Variants in MARCHF10 observed in about 807,000 individuals in gnomAD.
MARCHF10 encodes the protein probable E3 ubiquitin-protein ligase MARCHF10.
MARCHF10 carries 64 observed loss-of-function variants against 76.2 expected under a neutral mutation model. The observed-to-expected ratio is 0.84, with a 90% CI of 0.69 to 1.03. MARCHF10 has a LOEUF of 1.03. MARCHF10 is among the 50% of genes least tolerant of loss of function. The pLI, the probability that MARCHF10 is intolerant of heterozygous loss-of-function variation, is 0.00. For synonymous variants in MARCHF10, 340 were observed against 357.5 expected, an observed-to-expected ratio of 0.95 and a Z score of 0.55; for missense variants, 875 against 958.0, an observed-to-expected ratio of 0.91 and a Z score of 1.14.
intron 8 of MARCHF10, among the ~76,000 whole-genome samples, chr17:62,721,942 A>T (rs538697868): frequency 4.0e-5 from 6 of 151,854 alleles, no homozygotes; most frequent in Non-Finnish European, 8.8e-5. Flanking sequence ...GAAGCTTCTT[A>T]CTTTTGTTCC....
chr17:62,773,921 G>A (rs1016440740), intron 3 of MARCHF10, among the ~76,000 whole-genome samples: 2 of 152,200 alleles, frequency 1.3e-5, no homozygotes, highest in African/African-American at 4.8e-5. Context: ...CTGGATATGA[G>A]GCAGAAGATG....
At chr17:62,755,965 A>G (rs751342283) in intron 4 of MARCHF10, among the ~76,000 whole-genome samples, 7 of 151,102 alleles carry the variant, frequency 4.6e-5, no homozygotes, top group African/African-American at 7.3e-5. Context: ...AGTAAAAAAA[A>G]TGGCTAGGTG....
At chr17:62,779,113 G>A (rs1439304530) in intron 3 of MARCHF10, among the ~76,000 whole-genome samples, 3 of 152,180 alleles carry the variant, frequency 2.0e-5, no homozygotes, top group African/African-American at 4.8e-5. Flanking sequence ...CTTACCCAGT[G>A]CACCTCGAGG....
chr17:62,718,171 C>T (rs2090314968), intron 8 of MARCHF10, among the ~76,000 whole-genome samples: 1 of 152,172 alleles, frequency 6.6e-6, no homozygotes, highest in South Asian at 2.1e-4. Context: ...TAACATCTCT[C>T]ACCTTCTACA....
chr17:62,724,198 T>TA (rs2147716375), intron 7 of MARCHF10, among the ~76,000 whole-genome samples: 1 of 151,872 alleles, frequency 6.6e-6, no homozygotes, highest in South Asian at 2.1e-4. Context: ...TTTTTTTTTT[T>TA]TTTTGCTTAA....
intron 6 of MARCHF10, among the ~76,000 whole-genome samples, chr17:62,728,655 TAAG>T (rs764943884): frequency 5.9e-5 from 9 of 152,086 alleles, no homozygotes; most frequent in African/African-American, 9.6e-5. Flanking sequence ...CAGCAAGAGA[TAAG>T]GAGGATTTCT....
chr17:62,785,023 C>G (rs540379915), intron 3 of MARCHF10, among the ~76,000 whole-genome samples: 1 of 152,050 alleles, frequency 6.6e-6, no homozygotes, highest in African/African-American at 2.4e-5. Flanking sequence ...TGGAAAAACT[C>G]CTTTAAAGTT....
At chr17:62,708,644 T>C (rs567511849) in intron 9 of MARCHF10, among the ~76,000 whole-genome samples, 1 of 152,304 alleles carries the variant, frequency 6.6e-6, no homozygotes, top group East Asian at 1.9e-4. Flanking sequence ...CTGTGAGATA[T>C]AAAAGAGATA....
At chr17:62,757,918 A>G (rs2147939007) in intron 4 of MARCHF10, among the ~76,000 whole-genome samples, 1 of 152,306 alleles carries the variant, frequency 6.6e-6, no homozygotes, top group Non-Finnish European at 1.5e-5. Context: ...CAGTGCTATA[A>G]GTTCCATACA....
intron 10 of MARCHF10, 110 bp from the exon 11 acceptor site, chr17:62,701,868 A>G (rs926085517): frequency 1.4e-6 from 2 of 1,415,660 alleles, no homozygotes; most frequent in South Asian, 1.2e-5. Flanking sequence ...CCTGAGGCCC[A>G]GCCACCCACA....
chr17:62,788,726 T>C (rs2092788066), intron 2 of MARCHF10, 127 bp from the exon 3 acceptor site: 1 of 1,282,140 alleles, frequency 7.8e-7, no homozygotes, highest in African/African-American at 1.5e-5. Flanking sequence ...ATCAAATACC[T>C]CTCACCAAGT....
chr17:62,705,401 C>A (rs1011206695), intron 10 of MARCHF10, 138 bp downstream of exon 10: 3 of 1,555,576 alleles, frequency 1.9e-6, no homozygotes, highest in Non-Finnish European at 2.6e-6. Context: ...GGCTGACTTT[C>A]CCAAGCTTTG....
chr17:62,800,963 T>C (rs1339368748), intron 2 of MARCHF10, among the ~76,000 whole-genome samples: 2 of 152,200 alleles, frequency 1.3e-5, no homozygotes, highest in Non-Finnish European at 2.9e-5. Flanking sequence ...ATTTTACAAA[T>C]GGTAGGGCGA....
chr17:62,754,837 C>T lies in MARCHF10; in HGVS notation c.382+4998G>A, dbSNP rs183116118. ...TCCTGGACACCAGTTGGACTTGCCG[C>T]GAAAACCATTAATCTGGCCTTTCAG... On this transcript the variant is annotated intron_variant, in intron 4 of 10. Coordinates refer to ENST00000311269, the MANE Select transcript of MARCHF10 (RefSeq NM_152598.4). 2.8e-3 allele frequency among the ~76,000 whole-genome samples: 426 copies of T among 152,180 alleles called. 2 individuals carry two copies. Among genetic ancestry groups the T allele is most frequent in the Non-Finnish European group, 2.8e-3 (192 of 68,022 alleles).
At position 62,701,696 on chromosome 17, in the gene MARCHF10, T is replaced by C; in HGVS notation, c.*7A>G. On this transcript the variant is annotated 3_prime_UTR_variant, in exon 11 of 11. Transcript: ENST00000311269. Reference sequence around the variant, plus strand: ...GTCTCCGCCGAGCTCCACAGTTGGCTTCCTTGCTAGACGACCTGGCTTTGA... The same window carrying C: ...GTCTCCGCCGAGCTCCACAGTTGGCCTCCTTGCTAGACGACCTGGCTTTGA... 1.9e-6 allele frequency: 3 copies of C among 1,614,100 alleles called. No individual in the cohort carries two copies. The highest frequency in any genetic ancestry group is 1.7e-6 in the Non-Finnish European group (2 of 1,180,034).
intron 8 of MARCHF10, 124 bp downstream of exon 8, chr17:62,722,364 A>G: frequency 1.6e-6 from 1 of 625,074 alleles, no homozygotes; most frequent in Admixed American, 2.7e-5. Flanking sequence ...AGCTAAATGG[A>G]TATTGTCAGA....
At position 62,736,806 on chromosome 17, in the gene MARCHF10, C is replaced by CA; in HGVS notation, c.1061dup (p.Leu354PhefsTer28). 1 of 1,614,152 alleles carries CA rather than the reference C, an allele frequency of 6.2e-7. No individual in the cohort carries two copies. Among genetic ancestry groups the CA allele is most frequent in the Non-Finnish European group, 8.5e-7 (1 of 1,180,004 alleles). On this transcript the variant is annotated frameshift_variant, in exon 6 of 11. Coordinates refer to ENST00000311269, the MANE Select transcript of MARCHF10 (RefSeq NM_152598.4). LOFTEE classifies it high-confidence loss of function. ...CTGGCTCCATTGCATTGCTTATTCT[C>CA]AATGAGCCATGACTGGGCTCACTTC...
intron 4 of MARCHF10, among the ~76,000 whole-genome samples, chr17:62,752,357 T>C (rs893836396): frequency 2.6e-5 from 4 of 152,134 alleles, no homozygotes; most frequent in African/African-American, 9.7e-5. Flanking sequence ...AGGGGAGTGC[T>C]CTGTTGGGCA....
intron 3 of MARCHF10, among the ~76,000 whole-genome samples, chr17:62,770,273 T>C (rs1597972265): frequency 6.6e-6 from 1 of 152,208 alleles, no homozygotes; most frequent in East Asian, 1.9e-4. Flanking sequence ...CTACCATTGA[T>C]AGGCACCTAC....
Sources: gnomAD v4.1 joint callset for allele counts (sites outside exome capture counted in the v4.1 genomes callset) on GRCh38, gnomAD v4.1.1 for gene constraint, MANE v1.5 for transcripts, NCBI Gene and HGNC (gene_info 2026-07-23, HGNC 2026-07-21) for gene names.